The following PRKAR1B variants were observed in gnomAD, a reference collection of about 807,000 sequenced individuals.
PRKAR1B encodes protein kinase cAMP-dependent type I regulatory subunit beta, also known as cAMP-dependent protein kinase type I-beta regulatory subunit.
PRKAR1B carries 22 observed loss-of-function variants against 46.5 expected under a neutral mutation model. The observed-to-expected ratio is 0.47, with a 90% CI of 0.34 to 0.68. PRKAR1B has a LOEUF of 0.68. Among genes scored for constraint, PRKAR1B ranks in the 30% least tolerant of loss-of-function variants. The probability of loss-of-function intolerance (pLI) is 0.01; values close to 1 mark genes in which losing one functional copy is unlikely to be tolerated. For missense variants in PRKAR1B, 445 were observed against 535.6 expected, an observed-to-expected ratio of 0.83 and a Z score of 1.67; for synonymous variants, 259 against 217.7, an observed-to-expected ratio of 1.19 and a Z score of -1.67.
intron 1 of PRKAR1B, among the ~76,000 whole-genome samples, chr7:721,335 C>T (rs1480644113): frequency 6.6e-6 from 1 of 152,164 alleles, no homozygotes. Context: ...CTGGAGGCCC[C>T]AGCCCTCTTC....
intron 4 of PRKAR1B, among the ~76,000 whole-genome samples, chr7:635,699 C>T (rs1784010033): frequency 6.6e-6 from 1 of 152,126 alleles, no homozygotes; most frequent in Admixed American, 6.5e-5. Flanking sequence ...GGTCTTTGAG[C>T]AGGGGAGAGA....
chr7:654,929 G>C (rs77058354), intron 4 of PRKAR1B, among the ~76,000 whole-genome samples: 5,165 of 152,232 alleles, frequency 0.034, 115 homozygotes, highest in African/African-American at 0.055. Context: ...ATAACCAAGA[G>C]AGGAGCCCAG....
At chr7:631,262 G>C (rs1482929836) in intron 4 of PRKAR1B, among the ~76,000 whole-genome samples, 2 of 152,228 alleles carry the variant, frequency 1.3e-5, no homozygotes, top group African/African-American at 4.8e-5. Context: ...ATTCAAACTG[G>C]TTTTCAAGAG....
chr7:680,683 T>C lies in PRKAR1B; in HGVS notation c.221A>G (p.Gln74Arg), dbSNP rs1053414449. Residue 74 changes from glutamine to arginine, a missense_variant, in exon 3 of 11, where the codon CAG becomes CGG. By Grantham distance (43) the Gln-to-Arg change is conservative. Coordinates refer to ENST00000537384, the MANE Select transcript of PRKAR1B (RefSeq NM_001164760.2). Reference protein sequence around the residue: ...QILARQKSNSQSDSHDEEVSP... With the variant: ...QILARQKSNSRSDSHDEEVSP... ...CACCTCCTCATCATGGGAGTCCGAC[T>C]GTGAGTTTGACTTTTGCCGCGCCAA... The C allele has an allele frequency of 1.2e-6, 2 of 1,613,776 alleles. No homozygotes were observed. Among genetic ancestry groups the C allele is most frequent in the African/African-American group, 2.7e-5 (2 of 74,928 alleles).
At chr7:618,857 C>G (rs1782969938) in intron 4 of PRKAR1B, among the ~76,000 whole-genome samples, 1 of 152,188 alleles carries the variant, frequency 6.6e-6, no homozygotes, top group African/African-American at 2.4e-5. Context: ...CACGCAGTCA[C>G]CTGTTAACTT....
At chr7:610,859 A>G (rs984739001) in intron 4 of PRKAR1B, among the ~76,000 whole-genome samples, 2 of 152,234 alleles carry the variant, frequency 1.3e-5, no homozygotes, top group Admixed American at 1.3e-4. Context: ...ATCGTCTCAC[A>G]TGTGGGTTGC....
At chr7:648,789 T>A (rs1048122926) in intron 4 of PRKAR1B, among the ~76,000 whole-genome samples, 9 of 144,870 alleles carry the variant, frequency 6.2e-5, no homozygotes, top group South Asian at 2.2e-4. Context: ...TCTGAAAAAA[T>A]AAATAAATAA....
At chr7:709,307 C>T (rs1780496178) in intron 2 of PRKAR1B, among the ~76,000 whole-genome samples, 1 of 151,102 alleles carries the variant, frequency 6.6e-6, no homozygotes, top group African/African-American at 2.4e-5. Context: ...ACGTATGTAT[C>T]CACGTATGCA....
chr7:696,376 AT>A (rs1484266316), intron 2 of PRKAR1B, among the ~76,000 whole-genome samples: 2 of 151,980 alleles, frequency 1.3e-5, no homozygotes, highest in African/African-American at 4.8e-5. Context: ...GCTTCAAGCA[AT>A]TCTCCTGCCT....
At chr7:584,859 G>A (rs571602659) in intron 7 of PRKAR1B, among the ~76,000 whole-genome samples, 66 of 152,246 alleles carry the variant, frequency 4.3e-4, no homozygotes, top group Non-Finnish European at 8.2e-4. Context: ...AGTTCCACAC[G>A]GTGAGCGCAC....
intron 4 of PRKAR1B, among the ~76,000 whole-genome samples, chr7:642,775 C>G (rs1469984587): frequency 6.7e-6 from 1 of 150,330 alleles, no homozygotes; most frequent in Non-Finnish European, 1.5e-5. Flanking sequence ...TGCCCCCTGC[C>G]GCAAGACCCC....
At chr7:712,003 G>A (rs1780661240) in intron 1 of PRKAR1B, among the ~76,000 whole-genome samples, 1 of 151,660 alleles carries the variant, frequency 6.6e-6, no homozygotes, top group African/African-American at 2.4e-5. Context: ...GATGGGCTGG[G>A]GCGGCCTCTG....
chr7:716,302 C>A, intron 1 of PRKAR1B, among the ~76,000 whole-genome samples: 1 of 151,650 alleles, frequency 6.6e-6, no homozygotes. Flanking sequence ...CAACAATCCT[C>A]CCACCAGCTT....
Position 702,570 on chromosome 7 carries a change from T to C in PRKAR1B, c.177+8759A>G, listed in dbSNP as rs545158441. ...CTGGGCGTGGGGCTCACACCTGTAA[T>C]CTCAGCACTTTGGGAGGCCGAGGCA... On this transcript the variant is annotated intron_variant, in intron 2 of 10. Transcript: ENST00000537384. Among the ~76,000 whole-genome samples the C allele has an allele frequency of 2.6e-5, 4 of 152,322 alleles. No individual in the cohort carries two copies. The East Asian group carries it at 7.7e-4, about 29-fold the overall frequency.
At chr7:630,041 G>A (rs1328842956) in intron 4 of PRKAR1B, among the ~76,000 whole-genome samples, 1 of 139,108 alleles carries the variant, frequency 7.2e-6, no homozygotes, top group Admixed American at 7.2e-5. Context: ...GCTGGAAAAC[G>A]CTGCAGGAGC....
chr7:721,011 G>A (rs1361049032), intron 1 of PRKAR1B, among the ~76,000 whole-genome samples: 1 of 152,128 alleles, frequency 6.6e-6, no homozygotes, highest in African/African-American at 2.4e-5. Context: ...GCTTTACTGT[G>A]GGATACCTGA....
intron 2 of PRKAR1B, among the ~76,000 whole-genome samples, chr7:695,486 C>T (rs1168647713): frequency 6.6e-6 from 1 of 152,166 alleles, no homozygotes; most frequent in Non-Finnish European, 1.5e-5. Flanking sequence ...GAAGCGCCAT[C>T]TGAATTACGA....
intron 9 of PRKAR1B, among the ~76,000 whole-genome samples, chr7:570,460 C>T (rs543842687): frequency 5.9e-5 from 9 of 152,178 alleles, no homozygotes; most frequent in Admixed American, 2.6e-4. Flanking sequence ...CCTGTGTCCC[C>T]GAGGCTGTCA....
At chr7:657,388 C>CATGGATGG (rs538399335) in intron 4 of PRKAR1B, among the ~76,000 whole-genome samples, 18 of 147,690 alleles carry the variant, frequency 1.2e-4, no homozygotes, top group African/African-American at 3.2e-4. Context: ...TGAATGTGTG[C>CATGGATGG]ATGGATGGAT....
Sources: gnomAD v4.1 joint callset for allele counts (sites outside exome capture counted in the v4.1 genomes callset) on GRCh38, gnomAD v4.1.1 for gene constraint, MANE v1.5 for transcripts, NCBI Gene and HGNC (gene_info 2026-07-23, HGNC 2026-07-21) for gene names.